Variants in ACSL1 observed in about 807,000 individuals in gnomAD.
The protein encoded by ACSL1 is acyl-CoA synthetase long chain family member 1.
Under a neutral mutation model 98.4 loss-of-function variants are expected in ACSL1, and 41 were observed. That is an observed-to-expected ratio of 0.42 (90% confidence interval 0.32 to 0.54). The LOEUF (loss-of-function observed/expected upper bound fraction) is 0.54, where lower values mean the gene tolerates loss of function less well. Ranked by LOEUF, ACSL1 falls within the 20% of genes least tolerant of loss-of-function variation. The pLI is 0.13. For synonymous variants in ACSL1, 316 were observed against 322.7 expected, an observed-to-expected ratio of 0.98 and a Z score of 0.22; for missense variants, 734 against 883.1, an observed-to-expected ratio of 0.83 and a Z score of 2.14.
At position 184,773,417 on chromosome 4, in the gene ACSL1, C is replaced by A. The variant is rs1764799439; in HGVS notation, c.841+246G>T. On this transcript the variant is annotated intron_variant, in intron 9 of 20. Transcript: ENST00000281455. The surrounding 1 kb of genome is among the most constrained non-coding windows in gnomAD (Gnocchi z 4.3). ...CAGAAATTTTCTTCCTGGGAGCCAC[C>A]GATATAGTCTGTCCTAGGAAGACAG... Among the ~76,000 whole-genome samples, 2 of 152,190 alleles carry A rather than the reference C, an allele frequency of 1.3e-5. No homozygotes were observed. Among genetic ancestry groups the A allele is most frequent in the South Asian group, 4.2e-4 (2 of 4,812 alleles).
At chr4:184,802,019 A>C (rs1298675001) in intron 2 of ACSL1, among the ~76,000 whole-genome samples, 1 of 152,222 alleles carries the variant, frequency 6.6e-6, no homozygotes, top group Non-Finnish European at 1.5e-5. Flanking sequence ...GCCAGTAGAG[A>C]AGGAATGCCA....
chr4:184,759,665 A>G (rs1762597758), intron 18 of ACSL1, among the ~76,000 whole-genome samples: 1 of 152,200 alleles, frequency 6.6e-6, no homozygotes, highest in African/African-American at 2.4e-5. Flanking sequence ...AATGGCAATC[A>G]TTAAAAAGTC....
intron 10 of ACSL1, among the ~76,000 whole-genome samples, chr4:184,770,936 C>A (rs1229226832): frequency 6.6e-6 from 1 of 152,122 alleles, no homozygotes; most frequent in African/African-American, 2.4e-5. Context: ...CCAGCCTGGC[C>A]AACATGGTAA....
At chr4:184,806,882 A>G (rs1771495618) in intron 1 of ACSL1, among the ~76,000 whole-genome samples, 1 of 152,224 alleles carries the variant, frequency 6.6e-6, no homozygotes, top group Non-Finnish European at 1.5e-5. Flanking sequence ...ACTTCACTGA[A>G]CAAACTGATT....
chr4:184,790,217 T>C (rs771368472), intron 2 of ACSL1, among the ~76,000 whole-genome samples: 50 of 152,192 alleles, frequency 3.3e-4, no homozygotes, highest in Admixed American at 3.2e-3. Flanking sequence ...CTATTTTTAT[T>C]AGGATTATCC....
chr4:184,768,792 G>A (rs1764023773), intron 11 of ACSL1, among the ~76,000 whole-genome samples: 1 of 152,138 alleles, frequency 6.6e-6, no homozygotes, highest in African/African-American at 2.4e-5. Context: ...TTTAGTGGCT[G>A]GGCGCGGTGG....
intron 1 of ACSL1, chr4:184,814,894 G>C (rs1772483054): frequency 7.9e-6 from 3 of 378,024 alleles, no homozygotes; most frequent in South Asian, 3.9e-5. Context: ...CTTTGAAAAA[G>C]GAGTCACACC....
chr4:184,816,950 C>A (rs569855955), intron 1 of ACSL1, among the ~76,000 whole-genome samples: 2 of 152,094 alleles, frequency 1.3e-5, no homozygotes, highest in African/African-American at 4.8e-5. Flanking sequence ...GCAAGAAAAA[C>A]GCCCATATAT....
chr4:184,802,837 G>A (rs762047373), intron 2 of ACSL1, among the ~76,000 whole-genome samples: 45 of 152,258 alleles, frequency 3.0e-4, no homozygotes, highest in Non-Finnish European at 5.3e-4. Flanking sequence ...GTGTTCTTCC[G>A]TCAAGTTCTT....
chr4:184,814,001 A>G (rs1772372188), intron 1 of ACSL1: 1 of 418,276 alleles, frequency 2.4e-6, no homozygotes. Flanking sequence ...CAGAATATGA[A>G]CATGTAAGGC....
At chr4:184,819,388 C>T (rs1772883817) in intron 1 of ACSL1, among the ~76,000 whole-genome samples, 1 of 152,104 alleles carries the variant, frequency 6.6e-6, no homozygotes, top group African/African-American at 2.4e-5. Flanking sequence ...GATGATCCAC[C>T]TGCCTTGGCC....
At chr4:184,819,700 G>A (rs956340630) in intron 1 of ACSL1, among the ~76,000 whole-genome samples, 1 of 152,060 alleles carries the variant, frequency 6.6e-6, no homozygotes, top group South Asian at 2.1e-4. Context: ...TAGGAAGCAA[G>A]CTGCAGAAGC....
chr4:184,794,971 G>T (rs1329793753), intron 2 of ACSL1, among the ~76,000 whole-genome samples: 1 of 152,004 alleles, frequency 6.6e-6, no homozygotes, highest in African/African-American at 2.4e-5. Context: ...AGGCTGACAC[G>T]GTACTTCGCA....
At position 184,788,601 on chromosome 4, in the gene ACSL1, G is replaced by T. The variant is rs758169844; in HGVS notation, c.310+16C>A. On this transcript the variant is annotated intron_variant, in intron 3 of 20. Transcript: ENST00000281455. The stretch of plus-strand genomic sequence containing the variant: ...CACGGCGAGCGGGAGCCACGCAAAT[G>T]CAGGAAAATGCTTACTTGACACCTG... 8.8e-6 allele frequency: 14 copies of T among 1,596,830 alleles called. No homozygotes were observed. The highest frequency in any genetic ancestry group is 1.1e-5 in the Non-Finnish European group (13 of 1,164,620).
chr4:184,809,682 G>A (rs1162995863), intron 1 of ACSL1, among the ~76,000 whole-genome samples: 1 of 152,124 alleles, frequency 6.6e-6, no homozygotes, highest in Non-Finnish European at 1.5e-5. Flanking sequence ...TGTAGTCCCA[G>A]CTACTTGGGA....
chr4:184,805,567 C>T, intron 1 of ACSL1: 1 of 970,722 alleles, frequency 1.0e-6, no homozygotes, highest in Non-Finnish European at 1.2e-6. Context: ...TGACACCCCA[C>T]TGCAGACACA....
At chr4:184,763,288 A>G (rs377663790) in intron 15 of ACSL1, 33 bp from the exon 16 acceptor site, 7 of 1,590,922 alleles carry the variant, frequency 4.4e-6, no homozygotes, top group Non-Finnish European at 6.0e-6. Context: ...GTCATTCCTA[A>G]GGGAACTACT....
At chr4:184,795,830 A>T (rs201033568) in intron 2 of ACSL1, among the ~76,000 whole-genome samples, 1 of 152,236 alleles carries the variant, frequency 6.6e-6, no homozygotes, top group South Asian at 2.1e-4. Flanking sequence ...AAGCTCATTA[A>T]GTTTTAGAAA....
At chr4:184,789,296 G>A (rs1261361506) in intron 2 of ACSL1, among the ~76,000 whole-genome samples, 1 of 152,176 alleles carries the variant, frequency 6.6e-6, no homozygotes. Context: ...CAAGAGAAGA[G>A]CCACAAACTG....
Sources: allele counts gnomAD v4.1 joint callset (sites outside exome capture counted in the v4.1 genomes callset), GRCh38; gene constraint gnomAD v4.1.1; non-coding constraint Gnocchi (gnomAD v3.1); transcripts MANE v1.5; gene names NCBI Gene and HGNC (gene_info 2026-07-23, HGNC 2026-07-21).